The following C12orf76 variants were observed in gnomAD, a reference collection of about 807,000 sequenced individuals.
The protein encoded by C12orf76 is chromosome 12 open reading frame 76.
In C12orf76, 6 loss-of-function variants were observed where a neutral mutation model predicts 6.8. The ratio of observed to expected loss-of-function variants is 0.88; its 90% CI spans 0.48 to 1.73. The LOEUF is 1.73. Ranked by LOEUF, C12orf76 falls within the 40% of genes most tolerant of loss-of-function variation. The pLI is 0.01. For synonymous variants in C12orf76, 56 were observed against 43.7 expected, an observed-to-expected ratio of 1.28 and a Z score of -1.11; for missense variants, 99 against 98.2, an observed-to-expected ratio of 1.01 and a Z score of -0.03.
At chr12:110,062,588 C>T (rs909554882) in intron 2 of C12orf76, among the ~76,000 whole-genome samples, 3 of 151,550 alleles carry the variant, frequency 2.0e-5, no homozygotes, top group African/African-American at 4.8e-5. Flanking sequence ...TAAGTTATAC[C>T]TCAATAAAGT....
chr12:110,059,190 CA>C (rs1248827661), intron 2 of C12orf76: 23 of 1,534,982 alleles, frequency 1.5e-5, no homozygotes, highest in Non-Finnish European at 2.0e-5. Context: ...TGCACACACA[CA>C]ATTAATTTTT....
At chr12:110,059,484 A>G (rs1417674450) in intron 2 of C12orf76, among the ~76,000 whole-genome samples, 2 of 152,180 alleles carry the variant, frequency 1.3e-5, no homozygotes, top group Non-Finnish European at 2.9e-5. Flanking sequence ...TGCTCCTAAC[A>G]ACTGTGCTCA....
upstream of C12orf76, among the ~76,000 whole-genome samples, chr12:110,069,394 C>A (rs1892934186): frequency 1.3e-5 from 2 of 151,750 alleles, no homozygotes; most frequent in South Asian, 4.2e-4. Context: ...GAGCCGAGAT[C>A]ACACCATCGC....
intron 2 of C12orf76, among the ~76,000 whole-genome samples, chr12:110,062,260 T>A (rs545433187): frequency 1.3e-5 from 2 of 152,194 alleles, no homozygotes; most frequent in African/African-American, 4.8e-5. Flanking sequence ...TGAGACTCCA[T>A]CTCCCAAAAA....
chr12:110,060,665 A>G (rs1394297954), intron 2 of C12orf76, among the ~76,000 whole-genome samples: 2 of 151,992 alleles, frequency 1.3e-5, no homozygotes, highest in Non-Finnish European at 2.9e-5. Flanking sequence ...TTGCTTTCTC[A>G]TCTACTTCTT....
chr12:110,068,262 G>GAAGAAGAAGAA (rs1892906652), upstream of C12orf76, among the ~76,000 whole-genome samples: 1 of 99,014 alleles, frequency 1.0e-5, no homozygotes, highest in Admixed American at 9.7e-5. Context: ...AGAAGAAGAA[G>GAAGAAGAAGAA]AAGAAGAAGA....
At position 110,048,425 on chromosome 12, in the gene C12orf76, G is replaced by C. The variant is rs1892509022; in HGVS notation, c.71C>G (p.Pro24Arg). 2 of 1,513,592 alleles carry C rather than the reference G, an allele frequency of 1.3e-6. No homozygotes were observed. Among genetic ancestry groups the C allele is most frequent in the Non-Finnish European group, 1.8e-6 (2 of 1,135,850 alleles). 93.8% of individuals were successfully genotyped at this position (1,513,592 alleles called of 1,614,324 possible). A position where few individuals can be genotyped will look rare whatever the true frequency, so the allele number is the denominator to read the frequency against. The change falls in exon 1 of 2, where the codon CCG (proline) becomes CGG (arginine). Residue 24 changes from proline (P) to arginine (R), a missense_variant. By Grantham distance (103) the Pro-to-Arg change is moderately radical (BLOSUM62 -2). Coordinates refer to ENST00000615315, the MANE Select transcript of C12orf76 (RefSeq NM_001389625.1). Reference protein sequence around the residue: ...CSLLVGEAEAPSPVDPLERSR... With the variant: ...CSLLVGEAEARSPVDPLERSR... ...CCGCTCCAGCGGATCCACGGGGCTC[G>C]GGGCCTCTGCCTCCCCCACCAGGAG... is the stretch of plus-strand genomic sequence containing the variant.
chr12:110,053,506 A>G (rs1335307176), upstream of C12orf76, among the ~76,000 whole-genome samples: 2 of 150,514 alleles, frequency 1.3e-5, no homozygotes, highest in Non-Finnish European at 2.9e-5. Flanking sequence ...CTTGGGGGGA[A>G]AACAAAAAAG....
chr12:110,042,596 C>G (rs1354906764), intron 1 of C12orf76, 137 bp from the exon 2 acceptor site: 1 of 712,282 alleles, frequency 1.4e-6, no homozygotes, highest in East Asian at 2.7e-5. Context: ...GTAAACAGAT[C>G]CTCTCTCCAG....
chr12:110,059,002 C>A (rs775564064), exon 3 of C12orf76: 3 of 1,547,948 alleles, frequency 1.9e-6, no homozygotes, highest in South Asian at 2.4e-5. Context: ...ACCTAATAGC[C>A]GAACAAACTG....
chr12:110,057,436 C>G (rs1432757628), intron 3 of C12orf76: 4 of 639,740 alleles, frequency 6.3e-6, no homozygotes, highest in Non-Finnish European at 1.1e-5. Flanking sequence ...GGGCACTGTG[C>G]CTGCAGTGCG....
upstream of C12orf76, among the ~76,000 whole-genome samples, chr12:110,068,240 G>A (rs1286022431): frequency 1.5e-5 from 2 of 134,690 alleles, no homozygotes; most frequent in Non-Finnish European, 3.1e-5. Context: ...AAGAGAAGAA[G>A]AAGAAGAAAG....
chr12:110,062,204 C>T (rs1265339427), intron 2 of C12orf76, among the ~76,000 whole-genome samples: 1 of 152,172 alleles, frequency 6.6e-6, no homozygotes, highest in Non-Finnish European at 1.5e-5. Context: ...GCAGAGGTTG[C>T]AGTGAGCCAA....
rs754943370 is a variant in C12orf76, at chr12:110,042,109, G to A, written c.*265C>T. 9 of 522,414 alleles carry A rather than the reference G, an allele frequency of 1.7e-5. No homozygotes were observed. Among genetic ancestry groups the A allele is most frequent in the Non-Finnish European group, 3.1e-5 (9 of 288,778 alleles). 32.4% of individuals were successfully genotyped at this position (522,414 alleles called of 1,614,324 possible). On this transcript the variant is annotated 3_prime_UTR_variant, in exon 2 of 2. Transcript: ENST00000615315. The stretch of plus-strand genomic sequence containing the variant: ...CTCATGAACACTCCATCTTTACACT[G>A]ACCTTTGGAGCTTTCAGGTCTTACT...
At chr12:110,044,588 T>A (rs564538976) in intron 1 of C12orf76, 1 of 154,064 alleles carries the variant, frequency 6.5e-6, no homozygotes, top group African/African-American at 2.4e-5. Flanking sequence ...ACCATAGTTT[T>A]ATTTAAATCA....
chr12:110,048,438 C>T lies in C12orf76; in HGVS notation c.58G>A (p.Glu20Lys). 1 of 1,508,430 alleles carries T rather than the reference C, an allele frequency of 6.6e-7. No individual in the cohort carries two copies. Among genetic ancestry groups the T allele is most frequent in the South Asian group, 1.2e-5 (1 of 82,122 alleles). 93.4% of individuals were successfully genotyped at this position (1,508,430 alleles called of 1,614,324 possible). A position where few individuals can be genotyped will look rare whatever the true frequency, so the allele number is the denominator to read the frequency against. ...TCCACGGGGCTCGGGGCCTCTGCCT[C>T]CCCCACCAGGAGGCTGCAGAGGCCA... ...YLGLCSLLVG[E>K]AEAPSPVDPL... Residue 20 changes from glutamate to lysine, a missense_variant, in exon 1 of 2, where the codon GAG (glutamate) becomes AAG (lysine). Glu to Lys is a moderately conservative substitution (Grantham distance 56). Coordinates refer to ENST00000615315, the MANE Select transcript of C12orf76 (RefSeq NM_001389625.1).
At chr12:110,065,965 T>A in exon 2 of C12orf76, 2 of 1,612,406 alleles carry the variant, frequency 1.2e-6, no homozygotes, top group Admixed American at 3.3e-5. Flanking sequence ...TTCTTCTCCT[T>A]CTATGGGGTC....
chr12:110,070,855 A>G (rs1208919408), upstream of C12orf76, among the ~76,000 whole-genome samples: 1 of 151,718 alleles, frequency 6.6e-6, no homozygotes, highest in Non-Finnish European at 1.5e-5. Context: ...GCTCACTGCA[A>G]CCTCCACCTC....
At chr12:110,048,214 G>C (rs1197654938) in intron 1 of C12orf76, 149 bp downstream of exon 1, 1 of 1,019,176 alleles carries the variant, frequency 9.8e-7, no homozygotes, top group Non-Finnish European at 1.3e-6. Context: ...GGGAGTCTCG[G>C]GGCCCCCTGA....
Sources: gnomAD v4.1 joint callset for allele counts (sites outside exome capture counted in the v4.1 genomes callset) on GRCh38, gnomAD v4.1.1 for gene constraint, MANE v1.5 for transcripts, NCBI Gene and HGNC (gene_info 2026-07-23, HGNC 2026-07-21) for gene names.